Variants in LEF1 observed in about 807,000 individuals in gnomAD.
The protein encoded by LEF1 is lymphoid enhancer binding factor 1.
A neutral mutation model predicts 51.2 loss-of-function variants in LEF1; 14 were observed. That is an observed-to-expected ratio of 0.27 (90% CI 0.18 to 0.43). The LOEUF (loss-of-function observed/expected upper bound fraction) is 0.43. Ranked by LOEUF, LEF1 falls within the 20% of genes least tolerant of loss-of-function variation. The pLI, the probability that LEF1 is intolerant of heterozygous loss-of-function variation, is 1.00. For synonymous variants in LEF1, 185 were observed against 183.2 expected (o/e 1.01, Z -0.08); for missense variants, 386 against 512.0 (o/e 0.75, Z 2.37).
Position 108,130,764 on chromosome 4 carries a change from A to G in LEF1, c.414+32804T>C, listed in dbSNP as rs148161820. ...AAAAAGACTTTCCAGTTAAATTGCT[A>G]CTAAATGTAAAATAACACATTCCCT... On this transcript the variant is annotated intron_variant, in intron 3 of 11. Coordinates refer to ENST00000265165, the MANE Select transcript of LEF1 (RefSeq NM_016269.5). Among the ~76,000 whole-genome samples, 13 of 151,746 alleles carry G rather than the reference A, an allele frequency of 8.6e-5. No individual in the cohort carries two copies. In the East Asian group the frequency reaches 1.6e-3, roughly 18 times the overall value.
chr4:108,108,081 A>AAG (rs1312308807), intron 3 of LEF1, among the ~76,000 whole-genome samples: 3 of 152,190 alleles, frequency 2.0e-5, no homozygotes, highest in Non-Finnish European at 4.4e-5. Context: ...GCTTTAATTC[A>AAG]AGAGAGAGAT....
rs1468699767 is a variant in LEF1, at chr4:108,083,368, G to T, written c.626C>A (p.Pro209Gln). ...GCAAGGTTCTTACCAGCCAAGAGGT[G>T]GGGTGATCTGTCCAACACCACCCGG... ...LSPGGVGQITPPLGWQGQPVY... is the reference protein window; with the variant it reads ...LSPGGVGQITQPLGWQGQPVY... Residue 209 changes from proline to glutamine, a missense_variant, in exon 5 of 12, where the codon CCA (proline) becomes CAA (glutamine). By Grantham distance (76) the Pro-to-Gln change is moderately conservative. Around this residue, in one of 2 missense-constraint regions of LEF1, gnomAD observed 335 missense variants for 390.7 expected, o/e 0.86. Transcript: ENST00000265165. The T allele has an allele frequency of 6.2e-7, 1 of 1,609,726 alleles. No homozygotes were observed. The highest frequency in any genetic ancestry group is 8.5e-7 in the Non-Finnish European group (1 of 1,176,146).
chr4:108,060,306 G>C (rs1210614772), intron 11 of LEF1, among the ~76,000 whole-genome samples: 1 of 152,136 alleles, frequency 6.6e-6, no homozygotes, highest in African/African-American at 2.4e-5. Flanking sequence ...TAAAAAAAGA[G>C]ATCTGAGTCC....
chr4:108,147,418 A>G (rs140718624), intron 3 of LEF1, among the ~76,000 whole-genome samples: 2 of 152,328 alleles, frequency 1.3e-5, no homozygotes, highest in African/African-American at 4.8e-5. Context: ...TTTGTAGCTT[A>G]AATGTCACAT....
At chr4:108,109,808 T>C (rs1217987420) in intron 3 of LEF1, among the ~76,000 whole-genome samples, 1 of 152,100 alleles carries the variant, frequency 6.6e-6, no homozygotes, top group Non-Finnish European at 1.5e-5. Flanking sequence ...CCAGAGAAGT[T>C]ATTTTCCATC....
At chr4:108,050,807 C>G (rs1736939643) in intron 11 of LEF1, among the ~76,000 whole-genome samples, 1 of 152,094 alleles carries the variant, frequency 6.6e-6, no homozygotes, top group South Asian at 2.1e-4. Context: ...TTCTGTTGGG[C>G]CATCCCACCA....
chr4:108,083,072 C>G, intron 5 of LEF1: 1 of 416,628 alleles, frequency 2.4e-6, no homozygotes, highest in South Asian at 2.5e-5. Context: ...TTTGTACAGG[C>G]ATAGCAAATG....
chr4:108,148,804 T>C (rs1744149195), intron 3 of LEF1, among the ~76,000 whole-genome samples: 1 of 152,190 alleles, frequency 6.6e-6, no homozygotes, highest in South Asian at 2.1e-4. Flanking sequence ...TAACAACATA[T>C]AATTAGTGAA....
At position 108,077,066 on chromosome 4, in the gene LEF1, C is replaced by T. The variant is rs1013408063; in HGVS notation, c.1008+1154G>A. ...AAAAGAATGATAACAGGGCCAGAAACGGTGGCTCCCACTTATTCACCCAGC... is the reference window on the plus strand; with the variant it reads ...AAAAGAATGATAACAGGGCCAGAAATGGTGGCTCCCACTTATTCACCCAGC... On this transcript the variant is annotated intron_variant, in intron 8 of 11. Coordinates refer to ENST00000265165, the MANE Select transcript of LEF1 (RefSeq NM_016269.5). Among the ~76,000 whole-genome samples the T allele has an allele frequency of 3.4e-5, 5 of 147,988 alleles. No homozygotes were observed. In the South Asian group the frequency reaches 6.5e-4, roughly 19 times the overall value.
rs750421020 is a variant in LEF1 at position 108,167,555 on chromosome 4, C to T, written c.213G>A (p.Glu71=). 1.6e-5 allele frequency: 26 copies of T among 1,613,976 alleles called. No homozygotes were observed. In the East Asian group the frequency reaches 4.9e-4, roughly 30 times the overall value. Residue 71 remains glutamate (E), a splice_region_variant and synonymous_variant, in exon 1 of 12, where the codon GAG becomes GAA. Transcript: ENST00000265165. This position sits in a 1 kb window ranked among gnomAD's most constrained non-coding sequence, Gnocchi z 5.7. ...GGAACTGGGGCAGCGGCCCGCTCAC[C>T]TCGTGTCCGTTGCTGGCCGGGATGA... ...SEIIPASNGH[E]VARQAQTSQE... is the part of the protein sequence containing the mutation.
At chr4:108,149,458 CA>C (rs371482539) in intron 3 of LEF1, among the ~76,000 whole-genome samples, 1,694 of 60,598 alleles carry the variant, frequency 0.028, 48 homozygotes, top group Middle Eastern at 0.056. Context: ...GACTCCGTCT[CA>C]AAAAAAAAAA....
chr4:108,098,412 A>G (rs914373671), intron 3 of LEF1, among the ~76,000 whole-genome samples: 2 of 151,852 alleles, frequency 1.3e-5, no homozygotes, highest in East Asian at 3.8e-4. Context: ...CGAAGTGCAG[A>G]TGGTCTGTTT....
intron 3 of LEF1, among the ~76,000 whole-genome samples, chr4:108,134,610 T>C (rs1198409184): frequency 6.6e-6 from 1 of 152,228 alleles, no homozygotes; most frequent in Non-Finnish European, 1.5e-5. Flanking sequence ...CTCTTATCAA[T>C]GTGATTCCAA....
At chr4:108,136,033 G>A (rs1743243910) in intron 3 of LEF1, among the ~76,000 whole-genome samples, 1 of 152,136 alleles carries the variant, frequency 6.6e-6, no homozygotes. Context: ...GCTGCTCAGG[G>A]GAAGGTGATG....
rs75183613 is a variant in LEF1, at chr4:108,148,420, A to G, written c.414+15148T>C. 4.0e-3 allele frequency among the ~76,000 whole-genome samples: 606 copies of G among 152,332 alleles called. 5 individuals are homozygous for G. Among genetic ancestry groups the G allele is most frequent in the African/African-American group, 0.014 (576 of 41,572 alleles). On this transcript the variant is annotated intron_variant, in intron 3 of 11. Transcript: ENST00000265165. ...TGAAAGCAGGTAAAGAATGAATAGT[A>G]CATATAAAGACAGTCCTCTGGAACT...
chr4:108,100,629 G>T (rs962910825), intron 3 of LEF1, among the ~76,000 whole-genome samples: 1 of 152,120 alleles, frequency 6.6e-6, no homozygotes, highest in Admixed American at 6.5e-5. Flanking sequence ...ATTTACAGTA[G>T]TGTCCAGGAG....
chr4:108,111,147 C>T (rs1487148545), intron 3 of LEF1, among the ~76,000 whole-genome samples: 1 of 152,178 alleles, frequency 6.6e-6, no homozygotes, highest in East Asian at 1.9e-4. Context: ...AAGAATTATT[C>T]ATGTTAATGA....
At chr4:108,138,828 T>C (rs1455889245) in intron 3 of LEF1, among the ~76,000 whole-genome samples, 1 of 152,230 alleles carries the variant, frequency 6.6e-6, no homozygotes, top group Non-Finnish European at 1.5e-5. Flanking sequence ...TGCTGACGCA[T>C]GATGCCTATG....
At chr4:108,149,247 CA>C (rs1277406476) in intron 3 of LEF1, among the ~76,000 whole-genome samples, 1 of 151,178 alleles carries the variant, frequency 6.6e-6, no homozygotes, top group African/African-American at 2.4e-5. Flanking sequence ...ATCATGAGGT[CA>C]GGAGATCGAG....
Sources: gnomAD v4.1 joint callset for allele counts (sites outside exome capture counted in the v4.1 genomes callset) on GRCh38, gnomAD v4.1.1 for gene constraint, gnomAD v4.1.1 regional missense constraint, Gnocchi (gnomAD v3.1) non-coding constraint, MANE v1.5 for transcripts, NCBI Gene and HGNC (gene_info 2026-07-23, HGNC 2026-07-21) for gene names.